The following OLFM3 variants were observed in gnomAD, a reference collection of about 807,000 sequenced individuals.
OLFM3 encodes olfactomedin 3.
In OLFM3, 20 loss-of-function variants were observed where a neutral mutation model predicts 48.6. The observed-to-expected ratio is 0.41, with a 90% confidence interval of 0.29 to 0.60. OLFM3 has a LOEUF of 0.60. Among genes scored for constraint, OLFM3 ranks in the 20% least tolerant of loss-of-function variants. The pLI, the probability that OLFM3 is intolerant of heterozygous loss-of-function variation, is 0.28. For synonymous variants in OLFM3, 222 were observed against 198.1 expected (o/e 1.12, Z -1.01); for missense variants, 437 against 544.3 (o/e 0.80, Z 1.96).
chr1:101,963,925 A>G (rs1490328709), intron 1 of OLFM3, among the ~76,000 whole-genome samples: 1 of 152,176 alleles, frequency 6.6e-6, no homozygotes, highest in Non-Finnish European at 1.5e-5. Context: ...ACCAAAGATA[A>G]CCATGTGCTA....
At chr1:101,862,636 G>A (rs1251497905) in intron 1 of OLFM3, among the ~76,000 whole-genome samples, 1 of 152,150 alleles carries the variant, frequency 6.6e-6, no homozygotes, top group Non-Finnish European at 1.5e-5. Flanking sequence ...TCTAGGTGCA[G>A]CACAATCACC....
At chr1:101,910,501 T>C (rs796318807) in intron 1 of OLFM3, among the ~76,000 whole-genome samples, 22 of 129,128 alleles carry the variant, frequency 1.7e-4, no homozygotes, top group African/African-American at 5.7e-4. Context: ...AGAAAAAAAG[T>C]ACATTCTAAA....
chr1:101,824,937 T>C (rs1253972062), intron 4 of OLFM3, 89 bp downstream of exon 4: 12 of 1,137,886 alleles, frequency 1.1e-5, no homozygotes, highest in Non-Finnish European at 1.5e-5. Flanking sequence ...CAATTAGATA[T>C]TTTATGACTC....
At chr1:101,834,460 A>T (rs1289920699) in intron 2 of OLFM3, among the ~76,000 whole-genome samples, 1 of 152,182 alleles carries the variant, frequency 6.6e-6, no homozygotes. Flanking sequence ...GAGGTGCTTA[A>T]AGGTCATGCT....
intron 1 of OLFM3, among the ~76,000 whole-genome samples, chr1:101,925,030 A>G (rs1479380342): frequency 6.6e-6 from 1 of 151,980 alleles, no homozygotes; most frequent in African/African-American, 2.4e-5. Flanking sequence ...AAAATACAAA[A>G]CATTCAATTT....
intron 1 of OLFM3, among the ~76,000 whole-genome samples, chr1:101,851,566 G>A (rs1197275520): frequency 6.6e-6 from 1 of 152,120 alleles, no homozygotes; most frequent in Non-Finnish European, 1.5e-5. Flanking sequence ...CTTGGGTGAA[G>A]AGAATAATAC....
chr1:101,880,901 C>CAA (rs1371181926), intron 1 of OLFM3, among the ~76,000 whole-genome samples: 1 of 151,784 alleles, frequency 6.6e-6, no homozygotes, highest in Non-Finnish European at 1.5e-5. Flanking sequence ...GGGGAAATGG[C>CAA]AAGTCTTTAG....
intron 4 of OLFM3, among the ~76,000 whole-genome samples, chr1:101,810,288 G>A (rs1364297645): frequency 6.6e-6 from 1 of 151,846 alleles, no homozygotes; most frequent in Non-Finnish European, 1.5e-5. Context: ...ATCTTGCAGA[G>A]CAGGAAGTCA....
chr1:101,839,659 C>A, intron 1 of OLFM3, among the ~76,000 whole-genome samples: 1 of 152,186 alleles, frequency 6.6e-6, no homozygotes. Context: ...TATTGACGTG[C>A]ACTTGCCAAG....
intron 1 of OLFM3, among the ~76,000 whole-genome samples, chr1:101,979,155 G>C (rs542890714): frequency 7.2e-5 from 11 of 152,238 alleles, no homozygotes; most frequent in Middle Eastern, 3.4e-3. Context: ...TTGCTTTAAA[G>C]ATGTTCCAAG....
chr1:101,935,648 C>T (rs1363977777), intron 1 of OLFM3, among the ~76,000 whole-genome samples: 1 of 151,956 alleles, frequency 6.6e-6, no homozygotes, highest in Non-Finnish European at 1.5e-5. Flanking sequence ...ATCCTGATAC[C>T]AAAACCTGGC....
At chr1:101,820,660 G>A (rs1654568632) in intron 4 of OLFM3, among the ~76,000 whole-genome samples, 1 of 152,020 alleles carries the variant, frequency 6.6e-6, no homozygotes, top group Admixed American at 6.6e-5. Context: ...TGGTGCCCCA[G>A]TGGTCTTGAT....
intron 3 of OLFM3, among the ~76,000 whole-genome samples, chr1:101,828,598 C>T (rs1654998834): frequency 6.6e-6 from 1 of 152,100 alleles, no homozygotes; most frequent in Non-Finnish European, 1.5e-5. Context: ...AATTTTGTAT[C>T]CTTTTTGTTT....
chr1:101,959,632 A>G (rs1021499540), intron 1 of OLFM3, among the ~76,000 whole-genome samples: 19 of 152,160 alleles, frequency 1.2e-4, no homozygotes, highest in African/African-American at 4.6e-4. Context: ...TTGGGTTGCA[A>G]TACTGAAATT....
intron 1 of OLFM3, among the ~76,000 whole-genome samples, chr1:101,946,188 A>T (rs1458643039): frequency 1.6e-5 from 2 of 127,568 alleles, no homozygotes; most frequent in Non-Finnish European, 3.4e-5. Flanking sequence ...ATGACTGCTT[A>T]GACATTTCTC....
At chr1:101,925,373 T>C (rs905320785) in intron 1 of OLFM3, among the ~76,000 whole-genome samples, 3 of 152,054 alleles carry the variant, frequency 2.0e-5, no homozygotes, top group Admixed American at 1.3e-4. Flanking sequence ...TATCATACTC[T>C]GCACTTCTAA....
At chr1:101,843,425 G>T (rs1204617181) in intron 1 of OLFM3, among the ~76,000 whole-genome samples, 1 of 152,182 alleles carries the variant, frequency 6.6e-6, no homozygotes, top group African/African-American at 2.4e-5. Flanking sequence ...TTCAAGAGAC[G>T]CGCCAGAGGG....
rs149807778 is a variant in OLFM3 at position 101,891,375 on chromosome 1, G to T, written c.70-54350C>A. Reference sequence around the variant, plus strand: ...ATAGCGTACTTTGTCAAGTATTCCAGATAAGGGAGGTAGATACTATATGAA... The same window carrying T: ...ATAGCGTACTTTGTCAAGTATTCCATATAAGGGAGGTAGATACTATATGAA... On this transcript the variant is annotated intron_variant, in intron 1 of 5. Coordinates refer to ENST00000370103, the MANE Select transcript of OLFM3 (RefSeq NM_058170.4). Among the ~76,000 whole-genome samples the T allele has an allele frequency of 4.9e-4, 74 of 151,996 alleles. 1 individual carries two copies. The highest frequency in any genetic ancestry group is 1.7e-3 in the African/African-American group (72 of 41,520).
At chr1:101,920,213 C>T (rs1041059543) in intron 1 of OLFM3, among the ~76,000 whole-genome samples, 45 of 151,238 alleles carry the variant, frequency 3.0e-4, no homozygotes, top group African/African-American at 1.1e-3. Context: ...AAATCTAAGT[C>T]AAATAATTTA....
Sources: gnomAD v4.1 joint callset for allele counts (sites outside exome capture counted in the v4.1 genomes callset) on GRCh38, gnomAD v4.1.1 for gene constraint, MANE v1.5 for transcripts, NCBI Gene and HGNC (gene_info 2026-07-23, HGNC 2026-07-21) for gene names.